WLS: variants seen among roughly 807,000 people sequenced by gnomAD.
The protein encoded by WLS is protein wntless homolog.
A neutral mutation model predicts 62.8 loss-of-function variants in WLS; 23 were observed. That is an observed-to-expected ratio of 0.37 (90% CI 0.26 to 0.52). WLS has a LOEUF of 0.52. WLS is among the 20% of genes least tolerant of loss of function. WLS has a pLI of 0.92. For synonymous variants in WLS, 246 were observed against 244.1 expected, an observed-to-expected ratio of 1.01 and a Z score of -0.07; for missense variants, 615 against 697.3, an observed-to-expected ratio of 0.88 and a Z score of 1.33.
chr1:68,185,401 C>A (rs1029660199), intron 2 of WLS, among the ~76,000 whole-genome samples: 1 of 152,150 alleles, frequency 6.6e-6, no homozygotes, highest in African/African-American at 2.4e-5. Flanking sequence ...TGTGGTATGG[C>A]AGGGATCCCT....
intron 11 of WLS, 110 bp from the exon 12 acceptor site, chr1:68,126,445 A>T: frequency 7.2e-7 from 1 of 1,383,708 alleles, no homozygotes; most frequent in South Asian, 1.3e-5. Flanking sequence ...CATTCTGAGC[A>T]CACAGAGACA....
intron 1 of WLS, among the ~76,000 whole-genome samples, chr1:68,200,163 A>G (rs1648922200): frequency 6.6e-6 from 1 of 152,182 alleles, no homozygotes; most frequent in Non-Finnish European, 1.5e-5. Flanking sequence ...AGAGAATTTT[A>G]TGTTTACAAT....
At chr1:68,228,992 G>A (rs904736142) in intron 1 of WLS, among the ~76,000 whole-genome samples, 1 of 147,288 alleles carries the variant, frequency 6.8e-6, no homozygotes, top group Non-Finnish European at 1.5e-5. Context: ...TGCTTTTATA[G>A]TGAATGTTTA....
At chr1:68,211,761 G>A (rs576281463) in intron 1 of WLS, among the ~76,000 whole-genome samples, 4 of 152,288 alleles carry the variant, frequency 2.6e-5, no homozygotes, top group South Asian at 2.1e-4. Context: ...CTGCCACCAT[G>A]TGGATCTTGG....
At chr1:68,175,354 CA>C (rs1647221499) in intron 2 of WLS, among the ~76,000 whole-genome samples, 1 of 152,156 alleles carries the variant, frequency 6.6e-6, no homozygotes, top group South Asian at 2.1e-4. Context: ...GAGAGGGAGG[CA>C]AAATGAGAAC....
At chr1:68,148,057 G>T in intron 8 of WLS, 79 bp downstream of exon 8, 1 of 1,482,282 alleles carries the variant, frequency 6.7e-7, no homozygotes, top group Non-Finnish European at 9.4e-7. Flanking sequence ...GGGAGCATCA[G>T]CAGAGCCTTA....
chr1:68,137,893 T>C lies in WLS; in HGVS notation c.1403A>G (p.Gln468Arg), dbSNP rs1400480877. The C allele has an allele frequency of 6.2e-7, 1 of 1,613,892 alleles. No individual in the cohort carries two copies. Among genetic ancestry groups the C allele is most frequent in the East Asian group, 2.2e-5 (1 of 44,884 alleles). The part of the protein sequence containing the change: ...GHWKWGGVTV[Q>R]VNSAFFTGIY... ...GCCTGTGAAAAAGGCACTGTTCACT[T>C]GGACTGTGACGCCGCCCCATTTCCA... The change falls in exon 11 of 12, where the codon CAA becomes CGA. Residue 468 changes from glutamine (Q) to arginine (R), a missense_variant. By Grantham distance (43) the Gln-to-Arg change is conservative. Transcript: ENST00000262348.
chr1:68,150,293 G>C lies in WLS; in HGVS notation c.867C>G (p.Ile289Met). The C allele has an allele frequency of 6.2e-7, 1 of 1,614,180 alleles. No homozygotes were observed. The highest frequency in any genetic ancestry group is 1.7e-5 in the Admixed American group (1 of 60,020). ...GCAGCATCCAGGTCCAGTCAAACCC[G>C]ATGGAAAACCATTCCACTGGGATAT... ...FINIPVEWFS[I>M]GFDWTWMLLF... Residue 289 changes from isoleucine (I) to methionine (M), a missense_variant, in exon 6 of 12, where the codon ATC (isoleucine) becomes ATG (methionine). Physicochemically the swap from Ile to Met is conservative, Grantham distance 10. Coordinates refer to ENST00000262348, the MANE Select transcript of WLS (RefSeq NM_024911.7).
At chr1:68,174,589 C>T (rs1447918152) in intron 2 of WLS, among the ~76,000 whole-genome samples, 1 of 152,166 alleles carries the variant, frequency 6.6e-6, no homozygotes, top group African/African-American at 2.4e-5. Flanking sequence ...AAGAACTCTG[C>T]TGCTCCTCCC....
intron 2 of WLS, among the ~76,000 whole-genome samples, chr1:68,171,276 A>G (rs1472752377): frequency 1.3e-5 from 2 of 152,250 alleles, no homozygotes; most frequent in Admixed American, 6.5e-5. Flanking sequence ...TCATGACTAA[A>G]ACACCAAAAG....
intron 4 of WLS, among the ~76,000 whole-genome samples, chr1:68,154,803 A>C (rs1054624227): frequency 1.6e-4 from 25 of 152,176 alleles, no homozygotes; most frequent in African/African-American, 6.0e-4. Context: ...AAAAAAGAAA[A>C]TTTACTTTTA....
intron 1 of WLS, chr1:68,228,325 C>G (rs1650253186): frequency 5.2e-6 from 2 of 386,830 alleles, no homozygotes; most frequent in Non-Finnish European, 1.0e-5. Flanking sequence ...TTTAGAAGAG[C>G]TGAGAACAGT....
At chr1:68,128,156 A>G (rs1258894501) in intron 11 of WLS, among the ~76,000 whole-genome samples, 1 of 152,198 alleles carries the variant, frequency 6.6e-6, no homozygotes, top group East Asian at 1.9e-4. Flanking sequence ...TCCAGCCTCC[A>G]GCACATCCAC....
At chr1:68,164,262 ATT>A (rs3053539) in intron 2 of WLS, among the ~76,000 whole-genome samples, 30,549 of 148,234 alleles carry the variant, frequency 0.21, 3,411 homozygotes, top group East Asian at 0.37. Context: ...AAGAGATTTC[ATT>A]TTTTTTTTTT....
At chr1:68,153,444 C>T in intron 5 of WLS, 73 bp downstream of exon 5, 4 of 1,595,374 alleles carry the variant, frequency 2.5e-6, no homozygotes, top group Non-Finnish European at 3.4e-6. Context: ...GAACTGGACA[C>T]CAGCAAAAGC....
intron 2 of WLS, among the ~76,000 whole-genome samples, chr1:68,173,348 C>A (rs1647182399): frequency 6.6e-6 from 1 of 152,178 alleles, no homozygotes; most frequent in Non-Finnish European, 1.5e-5. Flanking sequence ...CTCCAGGACA[C>A]TGTCAGTACA....
At chr1:68,178,252 T>G (rs1647345266) in intron 2 of WLS, among the ~76,000 whole-genome samples, 1 of 152,218 alleles carries the variant, frequency 6.6e-6, no homozygotes, top group Admixed American at 6.5e-5. Context: ...TTTGGGTACT[T>G]AATGCACTGA....
chr1:68,163,692 C>T (rs1323570351), intron 2 of WLS, among the ~76,000 whole-genome samples: 1 of 150,914 alleles, frequency 6.6e-6, no homozygotes, highest in Non-Finnish European at 1.5e-5. Flanking sequence ...CCTGCCACCA[C>T]TAGGGTTATG....
intron 1 of WLS, among the ~76,000 whole-genome samples, chr1:68,218,878 C>T (rs1571030718): frequency 1.3e-5 from 2 of 152,172 alleles, no homozygotes; most frequent in East Asian, 3.8e-4. Flanking sequence ...TAAAAGCTGA[C>T]ATCATAAATA....
Sources: gnomAD v4.1 joint callset for allele counts (sites outside exome capture counted in the v4.1 genomes callset) on GRCh38, gnomAD v4.1.1 for gene constraint, MANE v1.5 for transcripts, NCBI Gene and HGNC (gene_info 2026-07-23, HGNC 2026-07-21) for gene names.